CNTNAP2: variants seen among roughly 807,000 people sequenced by gnomAD.
CNTNAP2 encodes the protein contactin-associated protein-like 2.
Under a neutral mutation model 155.2 loss-of-function variants are expected in CNTNAP2, and 98 were observed. The observed-to-expected ratio is 0.63, with a 90% CI of 0.54 to 0.75. The LOEUF (loss-of-function observed/expected upper bound fraction) is 0.75, where lower values mean the gene tolerates loss of function less well. Among genes scored for constraint, CNTNAP2 ranks in the 30% least tolerant of loss-of-function variants. CNTNAP2 has a pLI of 0.00. For missense variants in CNTNAP2, 1,727 were observed against 1,688.1 expected (o/e 1.02, Z -0.40); for synonymous variants, 651 against 631.2 (o/e 1.03, Z -0.47).
intron 1 of CNTNAP2, among the ~76,000 whole-genome samples, chr7:146,365,998 A>G (rs1455492866): frequency 8.5e-5 from 13 of 152,142 alleles, no homozygotes; most frequent in Non-Finnish European, 1.9e-4. Flanking sequence ...TAGTGTCTAT[A>G]ATAATGGGAG....
At chr7:146,850,637 G>A (rs1018332420) in intron 3 of CNTNAP2, among the ~76,000 whole-genome samples, 1 of 152,116 alleles carries the variant, frequency 6.6e-6, no homozygotes, top group East Asian at 1.9e-4. Flanking sequence ...GGTACACGGT[G>A]GGACTGGGTA....
At chr7:147,083,584 A>C (rs1359558686) in intron 4 of CNTNAP2, among the ~76,000 whole-genome samples, 7 of 145,594 alleles carry the variant, frequency 4.8e-5, no homozygotes, top group Admixed American at 1.4e-4. Flanking sequence ...ATGTATATAT[A>C]TATACACACA....
intron 1 of CNTNAP2, among the ~76,000 whole-genome samples, chr7:146,345,201 G>A (rs761049036): frequency 6.6e-6 from 1 of 152,082 alleles, no homozygotes; most frequent in East Asian, 1.9e-4. Flanking sequence ...AGATACCATG[G>A]CCTGATAATG....
chr7:147,373,843 C>A (rs1044230012), intron 9 of CNTNAP2, among the ~76,000 whole-genome samples: 1 of 151,684 alleles, frequency 6.6e-6, no homozygotes, highest in Non-Finnish European at 1.5e-5. Context: ...AATTATATTT[C>A]ATCTAGCACA....
In CNTNAP2 at chr7:148,217,447, C is replaced by A; in HGVS notation, c.3170C>A (p.Thr1057Asn). ...AQEEIRFSFS[T>N]TKAPCILLYI... ...GAGGAGATCCGCTTCAGCTTCAGCA[C>A]CACCAAGGCGCCCTGCATTCTCCTC... is the stretch of plus-strand genomic sequence containing the variant. Residue 1057 changes from threonine (T) to asparagine (N), a missense_variant, in exon 19 of 24, where the codon ACC (threonine) becomes AAC (asparagine). Thr to Asn is a moderately conservative substitution (Grantham distance 65, BLOSUM62 0). Transcript: ENST00000361727. The A allele has an allele frequency of 1.9e-6, 3 of 1,614,192 alleles. No homozygotes were observed. Among genetic ancestry groups the A allele is most frequent in the Non-Finnish European group, 2.5e-6 (3 of 1,180,032 alleles).
At chr7:147,864,440 A>G (rs1799191532) in intron 13 of CNTNAP2, among the ~76,000 whole-genome samples, 1 of 151,548 alleles carries the variant, frequency 6.6e-6, no homozygotes, top group African/African-American at 2.4e-5. Context: ...TGAACTTTAA[A>G]GTAGTTTTTT....
chr7:148,214,406 C>G (rs760708292), intron 18 of CNTNAP2, among the ~76,000 whole-genome samples: 106 of 152,312 alleles, frequency 7.0e-4, no homozygotes, highest in Non-Finnish European at 1.2e-3. Flanking sequence ...CCTCCCACAA[C>G]CACTGCTAGA....
intron 9 of CNTNAP2, among the ~76,000 whole-genome samples, chr7:147,332,862 A>C (rs1418822525): frequency 6.6e-6 from 1 of 152,168 alleles, no homozygotes; most frequent in Non-Finnish European, 1.5e-5. Context: ...ACTCCACCTC[A>C]AAAAATAATA....
chr7:148,026,545 T>C (rs1802379119), intron 15 of CNTNAP2, among the ~76,000 whole-genome samples: 1 of 152,168 alleles, frequency 6.6e-6, no homozygotes, highest in African/African-American at 2.4e-5. Flanking sequence ...CTGAGTATTA[T>C]AATGAGCACT....
intron 3 of CNTNAP2, among the ~76,000 whole-genome samples, chr7:146,945,054 A>G (rs1262698752): frequency 6.6e-6 from 1 of 152,314 alleles, no homozygotes; most frequent in South Asian, 2.1e-4. Context: ...AGTGCACGTG[A>G]TAATAAACAT....
At chr7:148,314,440 G>A (rs934325347) in intron 21 of CNTNAP2, among the ~76,000 whole-genome samples, 1 of 152,160 alleles carries the variant, frequency 6.6e-6, no homozygotes, top group African/African-American at 2.4e-5. Context: ...AGAAAATAAG[G>A]CATTTAGGTT....
intron 8 of CNTNAP2, among the ~76,000 whole-genome samples, chr7:147,253,157 C>T (rs1047730801): frequency 2.6e-5 from 4 of 152,144 alleles, no homozygotes; most frequent in Admixed American, 2.6e-4. Context: ...TTGGCTACTG[C>T]CCGTTCTGAT....
chr7:148,207,975 C>T (rs979836452), intron 18 of CNTNAP2, among the ~76,000 whole-genome samples: 1 of 151,996 alleles, frequency 6.6e-6, no homozygotes, highest in African/African-American at 2.4e-5. Flanking sequence ...GTAGTCCCAG[C>T]TACTCAGAGA....
At chr7:146,461,000 G>A (rs982508682) in intron 1 of CNTNAP2, among the ~76,000 whole-genome samples, 5 of 152,128 alleles carry the variant, frequency 3.3e-5, no homozygotes, top group African/African-American at 9.7e-5. Flanking sequence ...AACAAGTATG[G>A]GAGGTGATGG....
At chr7:147,616,967 C>T (rs759309530) in intron 12 of CNTNAP2, among the ~76,000 whole-genome samples, 18 of 152,130 alleles carry the variant, frequency 1.2e-4, no homozygotes, top group African/African-American at 1.9e-4. Context: ...TCTACACCCA[C>T]GCCTACGATC....
chr7:148,075,910 AAG>A (rs1405891257), intron 15 of CNTNAP2, among the ~76,000 whole-genome samples: 1 of 152,250 alleles, frequency 6.6e-6, no homozygotes, highest in African/African-American at 2.4e-5. Context: ...AAATATTTGG[AAG>A]AGTTTGGTGA....
chr7:146,906,195 C>G (rs1453822731), intron 3 of CNTNAP2, among the ~76,000 whole-genome samples: 2 of 152,100 alleles, frequency 1.3e-5, no homozygotes, highest in East Asian at 3.9e-4. Context: ...AGTCTGAGAT[C>G]AAACTGCAAG....
intron 1 of CNTNAP2, among the ~76,000 whole-genome samples, chr7:146,540,036 C>T (rs1210831942): frequency 6.6e-6 from 1 of 151,946 alleles, no homozygotes; most frequent in Non-Finnish European, 1.5e-5. Flanking sequence ...ATTTTTAAGG[C>T]GTCTTGCAAG....
rs1334188142 is a variant in CNTNAP2 at position 148,383,863 on chromosome 7, C to T, written c.3690C>T (p.Pro1230=). Residue 1230 remains proline, a synonymous_variant, in exon 22 of 24, where the codon CCC becomes CCT. Coordinates refer to ENST00000361727, the MANE Select transcript of CNTNAP2 (RefSeq NM_014141.6). The part of the protein sequence containing the change: ...TLSPMSSATD[P]WHLDHLDSAS... ...CCCCCATGTCGTCCGCCACCGACCC[C>T]TGGCACCTGGATCACCTGGATTCAG... 1 of 1,613,822 alleles carries T rather than the reference C, an allele frequency of 6.2e-7. No homozygotes were observed. Among genetic ancestry groups the T allele is most frequent in the Non-Finnish European group, 8.5e-7 (1 of 1,180,024 alleles).
Sources: allele counts gnomAD v4.1 joint callset (sites outside exome capture counted in the v4.1 genomes callset), GRCh38; gene constraint gnomAD v4.1.1; transcripts MANE v1.5; gene names NCBI Gene and HGNC (gene_info 2026-07-23, HGNC 2026-07-21).